The following EPHA5 variants were observed in gnomAD, a reference collection of about 807,000 sequenced individuals.
EPHA5 encodes EPH receptor A5.
EPHA5 carries 60 observed loss-of-function variants against 105.0 expected under a neutral mutation model. The ratio of observed to expected loss-of-function variants is 0.57; its 90% CI spans 0.46 to 0.71. The LOEUF is 0.71. Ranked by LOEUF, EPHA5 falls within the 30% of genes least tolerant of loss-of-function variation. The pLI, the probability that EPHA5 is intolerant of heterozygous loss-of-function variation, is 0.00. For missense variants in EPHA5, 1,218 were observed against 1,274.7 expected (o/e 0.96, Z 0.68); for synonymous variants, 513 against 449.1 (o/e 1.14, Z -1.80).
intron 2 of EPHA5, among the ~76,000 whole-genome samples, chr4:65,638,647 G>A (rs1747371665): frequency 6.6e-6 from 1 of 152,190 alleles, no homozygotes; most frequent in East Asian, 1.9e-4. Flanking sequence ...GCTGAGGCAG[G>A]AGAATTGCTT....
chr4:65,407,830 A>G (rs930925204), intron 7 of EPHA5, among the ~76,000 whole-genome samples: 5 of 151,896 alleles, frequency 3.3e-5, no homozygotes, highest in African/African-American at 1.2e-4. Flanking sequence ...ATCTCGGCTC[A>G]TTGCAACCTC....
At chr4:65,502,993 C>G (rs1578270097) in intron 3 of EPHA5, among the ~76,000 whole-genome samples, 1 of 151,730 alleles carries the variant, frequency 6.6e-6, no homozygotes, top group African/African-American at 2.4e-5. Flanking sequence ...AGCTATTATC[C>G]TAAGTGAACT....
At chr4:65,391,235 C>T (rs1303792416) in intron 8 of EPHA5, among the ~76,000 whole-genome samples, 1 of 152,016 alleles carries the variant, frequency 6.6e-6, no homozygotes, top group African/African-American at 2.4e-5. Context: ...TGGGTGGGGA[C>T]ACAAAGCCTA....
chr4:65,602,368 G>T, intron 2 of EPHA5, 64 bp from the exon 3 acceptor site: 3 of 1,320,676 alleles, frequency 2.3e-6, no homozygotes, highest in Non-Finnish European at 3.0e-6. Context: ...AGGAACTATA[G>T]CAAAAATTAT....
intron 5 of EPHA5, among the ~76,000 whole-genome samples, chr4:65,473,274 C>T (rs186011346): frequency 1.3e-5 from 2 of 152,146 alleles, no homozygotes; most frequent in African/African-American, 2.4e-5. Context: ...CCAACCTCTG[C>T]CTGTTACCCA....
intron 3 of EPHA5, among the ~76,000 whole-genome samples, chr4:65,560,369 T>C (rs551529243): frequency 6.6e-6 from 1 of 152,196 alleles, no homozygotes; most frequent in East Asian, 1.9e-4. Context: ...AAAGAATGCA[T>C]AGCCATTGTC....
At chr4:65,490,230 G>A (rs1731266704) in intron 5 of EPHA5, 147 bp downstream of exon 5, 5 of 621,946 alleles carry the variant, frequency 8.0e-6, no homozygotes, top group Non-Finnish European at 1.1e-5. Flanking sequence ...AACTGCAAAA[G>A]CGTTTTTGAT....
chr4:65,644,261 G>T (rs1175567083), intron 1 of EPHA5, among the ~76,000 whole-genome samples: 3 of 151,558 alleles, frequency 2.0e-5, no homozygotes, highest in African/African-American at 7.3e-5. Context: ...TCATACATAT[G>T]GTGTTACATA....
At chr4:65,579,092 C>A (rs182517218) in intron 3 of EPHA5, among the ~76,000 whole-genome samples, 2 of 151,528 alleles carry the variant, frequency 1.3e-5, no homozygotes, top group Non-Finnish European at 2.9e-5. Flanking sequence ...ACTTTTATAG[C>A]CAGCAGGAAG....
intron 14 of EPHA5, among the ~76,000 whole-genome samples, chr4:65,345,273 A>T (rs1169061398): frequency 3.3e-5 from 5 of 152,140 alleles, no homozygotes; most frequent in Non-Finnish European, 7.4e-5. Context: ...AATTTTAGCA[A>T]TTTTAAGTGA....
intron 5 of EPHA5, among the ~76,000 whole-genome samples, chr4:65,483,151 G>A (rs1730546740): frequency 6.6e-6 from 1 of 152,076 alleles, no homozygotes. Flanking sequence ...GAGAATGATG[G>A]TTTCCAGCTT....
intron 5 of EPHA5, among the ~76,000 whole-genome samples, chr4:65,450,374 A>G (rs1726951948): frequency 6.6e-6 from 1 of 152,178 alleles, no homozygotes; most frequent in South Asian, 2.1e-4. Context: ...ATCATTAAAA[A>G]TACTATAGTT....
At chr4:65,382,731 C>A (rs1268691813) in intron 8 of EPHA5, among the ~76,000 whole-genome samples, 1 of 151,786 alleles carries the variant, frequency 6.6e-6, no homozygotes, top group Non-Finnish European at 1.5e-5. Flanking sequence ...TAAATCAGAA[C>A]ATCTTGATTG....
chr4:65,433,312 T>C lies in EPHA5; in HGVS notation c.1403-12747A>G, dbSNP rs370773944. 1.1e-4 allele frequency among the ~76,000 whole-genome samples: 17 copies of C among 152,246 alleles called. No individual in the cohort carries two copies. The East Asian group carries it at 1.7e-3, about 16-fold the overall frequency. On this transcript the variant is annotated intron_variant, in intron 5 of 16. Transcript: ENST00000613740. ...TTCCATATTCAAATACACATAAATA[T>C]AAAACAAAATATTCTAATGCCCATT...
rs1717863585 is a variant in EPHA5, at chr4:65,365,921, C to G, written c.1987+11G>C. 1 of 1,596,532 alleles carries G rather than the reference C, an allele frequency of 6.3e-7. No individual in the cohort carries two copies. The highest frequency in any genetic ancestry group is 1.3e-5 in the African/African-American group (1 of 74,574). The stretch of plus-strand genomic sequence containing the variant: ...AAAAGTTAAAAATGAAAGTCAAACA[C>G]ATTGTCGTACCTGCTCCAATAACTC... On this transcript the variant is annotated intron_variant, in intron 10 of 16. Coordinates refer to ENST00000613740, the MANE Select transcript of EPHA5 (RefSeq NM_001281766.3).
chr4:65,458,643 C>T (rs1560558939), intron 5 of EPHA5, among the ~76,000 whole-genome samples: 1 of 151,878 alleles, frequency 6.6e-6, no homozygotes, highest in African/African-American at 2.4e-5. Context: ...TATGTAATTC[C>T]CATATTAAAC....
intron 1 of EPHA5, among the ~76,000 whole-genome samples, chr4:65,644,695 C>A (rs943358077): frequency 1.3e-5 from 2 of 151,880 alleles, no homozygotes; most frequent in African/African-American, 4.8e-5. Flanking sequence ...TATTATGCAT[C>A]ATTTATTTCA....
chr4:65,638,820 A>G (rs1402582065), intron 2 of EPHA5, among the ~76,000 whole-genome samples: 1 of 152,182 alleles, frequency 6.6e-6, no homozygotes, highest in African/African-American at 2.4e-5. Flanking sequence ...ACTCAAGGAC[A>G]GGGACCCTCC....
intron 7 of EPHA5, among the ~76,000 whole-genome samples, chr4:65,406,490 A>G (rs535653079): frequency 1.2e-4 from 18 of 152,264 alleles, no homozygotes; most frequent in African/African-American, 4.3e-4. Flanking sequence ...CTGCTTTGTC[A>G]GTTCTGATGG....
Sources: allele counts gnomAD v4.1 joint callset (sites outside exome capture counted in the v4.1 genomes callset), GRCh38; gene constraint gnomAD v4.1.1; transcripts MANE v1.5; gene names NCBI Gene and HGNC (gene_info 2026-07-23, HGNC 2026-07-21).